The following NRG3 variants were observed in gnomAD, a reference collection of about 807,000 sequenced individuals.
NRG3 encodes the protein pro-neuregulin-3, membrane-bound isoform.
NRG3 carries 31 observed loss-of-function variants against 66.9 expected under a neutral mutation model. The observed-to-expected ratio is 0.46, with a 90% CI of 0.35 to 0.63. The LOEUF is 0.63. NRG3 is among the 20% of genes least tolerant of loss of function. The pLI, the probability that NRG3 is intolerant of heterozygous loss-of-function variation, is 0.00. For synonymous variants in NRG3, 393 were observed against 359.4 expected (o/e 1.09, Z -1.06); for missense variants, 910 against 878.9 (o/e 1.04, Z -0.45).
chr10:82,050,063 T>G (rs531242480), intron 1 of NRG3, among the ~76,000 whole-genome samples: 2 of 152,130 alleles, frequency 1.3e-5, no homozygotes, highest in East Asian at 3.9e-4. Context: ...CTCTGAAACT[T>G]CAGTTCTGAA....
chr10:82,305,139 C>T (rs527603165), intron 1 of NRG3, among the ~76,000 whole-genome samples: 6 of 151,506 alleles, frequency 4.0e-5, no homozygotes, highest in Admixed American at 2.0e-4. Flanking sequence ...GGACTACAGG[C>T]GCCCACCACC....
intron 3 of NRG3, among the ~76,000 whole-genome samples, chr10:82,768,451 T>G (rs568971684): frequency 1.3e-5 from 2 of 152,274 alleles, no homozygotes; most frequent in South Asian, 4.1e-4. Context: ...TACTTACATT[T>G]ATTTGGTTCC....
chr10:82,236,710 CTTTTTTTTT>C (rs370359467), intron 1 of NRG3, among the ~76,000 whole-genome samples: 1 of 93,508 alleles, frequency 1.1e-5, no homozygotes, highest in Admixed American at 1.5e-4. Context: ...AAAACTAGAA[CTTTTTTTTT>C]TTTTTTTTTT....
chr10:82,822,335 G>T (rs538991298), intron 3 of NRG3, among the ~76,000 whole-genome samples: 1 of 152,132 alleles, frequency 6.6e-6, no homozygotes, highest in African/African-American at 2.4e-5. Context: ...CATCTGAGAC[G>T]GGGAGTTCCT....
At chr10:82,159,318 C>G (rs1300026562) in intron 1 of NRG3, among the ~76,000 whole-genome samples, 1 of 151,884 alleles carries the variant, frequency 6.6e-6, no homozygotes, top group African/African-American at 2.4e-5. Context: ...CCAACACTAT[C>G]TTCCTTCACT....
At chr10:82,295,921 A>AT (rs1484188414) in intron 1 of NRG3, among the ~76,000 whole-genome samples, 4 of 140,118 alleles carry the variant, frequency 2.9e-5, no homozygotes. Flanking sequence ...AAAAACCCCT[A>AT]TTTTAGGGAG....
At chr10:82,072,757 TTTTTA>T (rs1269872585) in intron 1 of NRG3, among the ~76,000 whole-genome samples, 1 of 151,644 alleles carries the variant, frequency 6.6e-6, no homozygotes, top group African/African-American at 2.4e-5. Context: ...ATTTTTTATA[TTTTTA>T]TTTTATTATT....
At chr10:81,878,162 T>A in intron 1 of NRG3, 1 of 1,361,352 alleles carries the variant, frequency 7.3e-7, no homozygotes. Context: ...GCCTGTTTAA[T>A]AAGTAATGAT....
chr10:82,959,183 A>C, intron 6 of NRG3, 108 bp downstream of exon 6: 4 of 1,286,414 alleles, frequency 3.1e-6, no homozygotes, highest in Non-Finnish European at 4.2e-6. Flanking sequence ...AGAGCTTTAT[A>C]GGGTTTTGCT....
chr10:82,055,585 ATTAT>A (rs1334123954), intron 1 of NRG3, among the ~76,000 whole-genome samples: 1 of 152,130 alleles, frequency 6.6e-6, no homozygotes, highest in East Asian at 1.9e-4. Context: ...ATTGGTGGTA[ATTAT>A]TTAATTTTTT....
chr10:82,185,959 A>T (rs1299693504), intron 1 of NRG3, among the ~76,000 whole-genome samples: 1 of 152,178 alleles, frequency 6.6e-6, no homozygotes, highest in Non-Finnish European at 1.5e-5. Flanking sequence ...TTATTTGAAT[A>T]GGTACGTTTC....
rs546276306 is a variant in NRG3 at position 82,020,405 on chromosome 10, G to A, written c.823+144242G>A. On this transcript the variant is annotated intron_variant, in intron 1 of 8. Coordinates refer to ENST00000372141, the MANE Select transcript of NRG3 (RefSeq NM_001010848.4). ...CACTAGGTATAAGGAACTGTCCTAGGTTCCGGAAACACCTCACTCTCACAG... is the reference window on the plus strand; with the variant it reads ...CACTAGGTATAAGGAACTGTCCTAGATTCCGGAAACACCTCACTCTCACAG... Among the ~76,000 whole-genome samples, 3 of 152,086 alleles carry A rather than the reference G, an allele frequency of 2.0e-5. No individual in the cohort carries two copies. In the East Asian group the frequency reaches 5.8e-4, roughly 29 times the overall value.
chr10:82,581,808 G>A (rs367759945), intron 2 of NRG3, among the ~76,000 whole-genome samples: 175 of 151,974 alleles, frequency 1.2e-3, no homozygotes, highest in Admixed American at 3.3e-3. Flanking sequence ...AGGTAACCTA[G>A]ATTTTTTTTC....
intron 2 of NRG3, among the ~76,000 whole-genome samples, chr10:82,701,581 C>A (rs936473417): frequency 2.0e-5 from 3 of 152,084 alleles, no homozygotes; most frequent in Admixed American, 1.3e-4. Flanking sequence ...TAGAACAGTT[C>A]AATAAACTCT....
intron 1 of NRG3, among the ~76,000 whole-genome samples, chr10:82,289,861 C>T (rs1008074847): frequency 3.9e-5 from 6 of 152,192 alleles, no homozygotes; most frequent in Non-Finnish European, 7.3e-5. Context: ...ATAACCACTG[C>T]TCCACTTGGT....
chr10:82,720,810 C>CATATACATATATATATAT (rs571675177), intron 2 of NRG3, among the ~76,000 whole-genome samples: 1,229 of 114,240 alleles, frequency 0.011, 20 homozygotes, highest in Non-Finnish European at 0.013. Flanking sequence ...GTATTTTATA[C>CATATACATATATATATAT]ATATATATAT....
intron 1 of NRG3, among the ~76,000 whole-genome samples, chr10:81,915,597 C>G (rs1349180683): frequency 1.3e-5 from 2 of 149,640 alleles, no homozygotes; most frequent in Non-Finnish European, 2.9e-5. Context: ...TAATAAGGAG[C>G]TATTTGGCAT....
intron 2 of NRG3, among the ~76,000 whole-genome samples, chr10:82,579,205 C>T (rs916457114): frequency 6.6e-6 from 1 of 151,500 alleles, no homozygotes; most frequent in Non-Finnish European, 1.5e-5. Flanking sequence ...GATTACTAAT[C>T]TGTAAATTAA....
chr10:82,892,196 T>C (rs1027470014), intron 4 of NRG3, among the ~76,000 whole-genome samples: 1 of 152,080 alleles, frequency 6.6e-6, no homozygotes, highest in African/African-American at 2.4e-5. Flanking sequence ...TAATTGTAAT[T>C]TGGGCCTTAT....
Sources: gnomAD v4.1 joint callset for allele counts (sites outside exome capture counted in the v4.1 genomes callset) on GRCh38, gnomAD v4.1.1 for gene constraint, MANE v1.5 for transcripts, NCBI Gene and HGNC (gene_info 2026-07-23, HGNC 2026-07-21) for gene names.